RASAL2: variants seen among roughly 807,000 people sequenced by gnomAD.
The protein encoded by RASAL2 is ras GTPase-activating protein nGAP.
In RASAL2, 58 loss-of-function variants were observed where a neutral mutation model predicts 128.9. The ratio of observed to expected loss-of-function variants is 0.45; its 90% CI spans 0.36 to 0.56. The LOEUF is 0.56. Ranked by LOEUF, RASAL2 falls within the 20% of genes least tolerant of loss-of-function variation. RASAL2 has a pLI of 0.00. For missense variants in RASAL2, 1,360 were observed against 1,601.6 expected (o/e 0.85, Z 2.57); for synonymous variants, 561 against 580.8 (o/e 0.97, Z 0.49).
At chr1:178,346,210 C>G (rs934474375) in intron 3 of RASAL2, among the ~76,000 whole-genome samples, 1 of 151,882 alleles carries the variant, frequency 6.6e-6, no homozygotes, top group Admixed American at 6.6e-5. Context: ...GAGGCCAGGC[C>G]TGGCAACATA....
At chr1:178,411,469 G>T (rs1415123888) in intron 4 of RASAL2, 2 of 493,870 alleles carry the variant, frequency 4.0e-6, no homozygotes, top group Non-Finnish European at 7.4e-6. Context: ...CAGGTGATGG[G>T]TGCCCCAAAA....
intron 8 of RASAL2, 132 bp from the exon 9 acceptor site, chr1:178,445,386 T>A: frequency 1.6e-5 from 17 of 1,086,768 alleles, no homozygotes; most frequent in Non-Finnish European, 1.2e-5. Context: ...GATTGCTTTT[T>A]TTCCTTTCAG....
chr1:178,401,881 T>G (rs577159337), intron 4 of RASAL2, among the ~76,000 whole-genome samples: 3 of 152,300 alleles, frequency 2.0e-5, no homozygotes, highest in East Asian at 3.9e-4. Context: ...CGCGTCACCC[T>G]GTCTTTTTAA....
At chr1:178,239,613 T>C (rs930024661) in intron 1 of RASAL2, among the ~76,000 whole-genome samples, 4 of 152,212 alleles carry the variant, frequency 2.6e-5, no homozygotes, top group Middle Eastern at 3.4e-3. Context: ...AAGCAACTTA[T>C]AATAAACATT....
chr1:178,279,674 T>C (rs1666689644), intron 1 of RASAL2, among the ~76,000 whole-genome samples: 1 of 152,200 alleles, frequency 6.6e-6, no homozygotes, highest in African/African-American at 2.4e-5. Context: ...CTTGGTTATA[T>C]GGCAGACATT....
At chr1:178,294,224 G>A (rs1667396757) in intron 2 of RASAL2, among the ~76,000 whole-genome samples, 1 of 152,148 alleles carries the variant, frequency 6.6e-6, no homozygotes, top group South Asian at 2.1e-4. Flanking sequence ...AAAGGCTTAT[G>A]CAGAAGCCCT....
At chr1:178,401,664 A>G (rs1281989109) in intron 4 of RASAL2, among the ~76,000 whole-genome samples, 2 of 152,126 alleles carry the variant, frequency 1.3e-5, no homozygotes, top group Non-Finnish European at 2.9e-5. Flanking sequence ...AAATACTAAT[A>G]CTAATAATAA....
At chr1:178,327,111 A>AGTT (rs1669075453) in intron 3 of RASAL2, among the ~76,000 whole-genome samples, 1 of 152,162 alleles carries the variant, frequency 6.6e-6, no homozygotes. Context: ...ATGAAATTTA[A>AGTT]AATCATCAAA....
At chr1:178,423,672 A>G (rs933356643) in intron 5 of RASAL2, among the ~76,000 whole-genome samples, 2 of 152,072 alleles carry the variant, frequency 1.3e-5, no homozygotes, top group African/African-American at 2.4e-5. Flanking sequence ...TAGAGTCTGT[A>G]TTTGTAATCT....
At chr1:178,176,790 C>T (rs1232930632) in intron 1 of RASAL2, among the ~76,000 whole-genome samples, 3 of 151,938 alleles carry the variant, frequency 2.0e-5, no homozygotes, top group Non-Finnish European at 4.4e-5. Flanking sequence ...AGACTACAGG[C>T]GTGTGCCACC....
chr1:178,197,711 T>A (rs184354091), intron 1 of RASAL2, among the ~76,000 whole-genome samples: 6 of 152,108 alleles, frequency 3.9e-5, no homozygotes, highest in African/African-American at 7.2e-5. Flanking sequence ...TTTTAAAAAA[T>A]TATTATACTT....
At chr1:178,138,426 T>G (rs137934531) in intron 1 of RASAL2, among the ~76,000 whole-genome samples, 2 of 152,316 alleles carry the variant, frequency 1.3e-5, no homozygotes, top group East Asian at 3.9e-4. Flanking sequence ...TTTTTCAGAA[T>G]AGTTTCATGA....
intron 15 of RASAL2, 103 bp from the exon 16 acceptor site, chr1:178,465,817 A>AT: frequency 9.1e-7 from 1 of 1,100,312 alleles, no homozygotes; most frequent in African/African-American, 2.2e-5. Context: ...AAAAGAAAAA[A>AT]GAAAAAGAAA....
At chr1:178,296,047 G>A (rs1438141973) in intron 2 of RASAL2, among the ~76,000 whole-genome samples, 1 of 151,920 alleles carries the variant, frequency 6.6e-6, no homozygotes, top group African/African-American at 2.4e-5. Flanking sequence ...GTATGTGTGT[G>A]TGTATATATA....
At chr1:178,200,501 A>G (rs1316797087) in intron 1 of RASAL2, among the ~76,000 whole-genome samples, 1 of 152,192 alleles carries the variant, frequency 6.6e-6, no homozygotes, top group Non-Finnish European at 1.5e-5. Flanking sequence ...ATTTAAGAAA[A>G]TAATGAACTC....
intron 3 of RASAL2, among the ~76,000 whole-genome samples, chr1:178,317,169 T>G (rs1249081037): frequency 7.7e-6 from 1 of 130,416 alleles, no homozygotes; most frequent in Non-Finnish European, 1.5e-5. Context: ...ATAAGCTTTT[T>G]GATGTGCTGC....
chr1:178,227,451 C>G (rs1266063124), intron 1 of RASAL2, among the ~76,000 whole-genome samples: 1 of 151,112 alleles, frequency 6.6e-6, no homozygotes, highest in Non-Finnish European at 1.5e-5. Context: ...TTGCCTCCAT[C>G]CTTTACACTT....
Position 178,475,247 on chromosome 1 carries a change from T to C in RASAL2, c.*2008T>C, listed in dbSNP as rs550243259. ...CTGTGTTTATCTGATCTGCACACTTTATATCCAGCTGTTTTGGCACTTTTA... is the reference window on the plus strand; with the variant it reads ...CTGTGTTTATCTGATCTGCACACTTCATATCCAGCTGTTTTGGCACTTTTA... On this transcript the variant is annotated 3_prime_UTR_variant, in exon 18 of 18. Coordinates refer to ENST00000367649, the MANE Select transcript of RASAL2 (RefSeq NM_170692.4). 1.3e-5 allele frequency: 2 copies of C among 152,242 alleles called. No homozygotes were observed. Among genetic ancestry groups the C allele is most frequent in the Non-Finnish European group, 2.9e-5 (2 of 68,044 alleles). 9.4% of individuals were successfully genotyped at this position (152,242 alleles called of 1,614,324 possible).
intron 5 of RASAL2, among the ~76,000 whole-genome samples, chr1:178,438,488 A>G (rs1676400574): frequency 6.6e-6 from 1 of 151,954 alleles, no homozygotes; most frequent in Non-Finnish European, 1.5e-5. Context: ...AATAGATACT[A>G]TAATTATTGA....
Sources: gnomAD v4.1 joint callset for allele counts (sites outside exome capture counted in the v4.1 genomes callset) on GRCh38, gnomAD v4.1.1 for gene constraint, MANE v1.5 for transcripts, NCBI Gene and HGNC (gene_info 2026-07-23, HGNC 2026-07-21) for gene names.